The following DCC variants were observed in gnomAD, a reference collection of about 807,000 sequenced individuals.
DCC encodes the protein netrin receptor DCC.
In DCC, 58 loss-of-function variants were observed where a neutral mutation model predicts 172.5. That is an observed-to-expected ratio of 0.34 (90% CI 0.27 to 0.42). The LOEUF is 0.42. Among genes scored for constraint, DCC ranks in the 10% least tolerant of loss-of-function variants. The pLI is 1.00. For synonymous variants in DCC, 709 were observed against 644.5 expected (o/e 1.10, Z -1.52); for missense variants, 1,740 against 1,791.0 (o/e 0.97, Z 0.51).
intron 1 of DCC, among the ~76,000 whole-genome samples, chr18:52,661,474 G>C (rs1337234926): frequency 6.6e-6 from 1 of 152,178 alleles, no homozygotes; most frequent in African/African-American, 2.4e-5. Context: ...CAGGCAAACT[G>C]GTTGGTGAGA....
intron 1 of DCC, among the ~76,000 whole-genome samples, chr18:52,731,308 A>G (rs1351321922): frequency 1.3e-5 from 2 of 152,216 alleles, no homozygotes. Context: ...CAAAGTACAA[A>G]TTAATTTATT....
intron 5 of DCC, among the ~76,000 whole-genome samples, chr18:53,032,562 T>C (rs192136224): frequency 1.3e-4 from 20 of 152,332 alleles, no homozygotes; most frequent in African/African-American, 4.3e-4. Flanking sequence ...GTCCTATGCA[T>C]TGTATCTGTG....
intron 7 of DCC, among the ~76,000 whole-genome samples, chr18:53,098,504 C>T (rs569480233): frequency 6.6e-6 from 1 of 152,294 alleles, no homozygotes; most frequent in South Asian, 2.1e-4. Context: ...TGTCCATCAA[C>T]ATGAATTTAT....
intron 5 of DCC, among the ~76,000 whole-genome samples, chr18:53,020,203 A>C (rs2041860633): frequency 6.6e-6 from 1 of 152,116 alleles, no homozygotes; most frequent in African/African-American, 2.4e-5. Context: ...CTTTCAAATA[A>C]AAAAAACCCA....
intron 13 of DCC, among the ~76,000 whole-genome samples, chr18:53,317,751 A>G (rs1455841923): frequency 1.3e-5 from 2 of 151,812 alleles, no homozygotes; most frequent in East Asian, 3.9e-4. Flanking sequence ...TTTCTTCTAG[A>G]TTTTCTAGTT....
At chr18:52,629,819 G>A (rs1036387055) in intron 1 of DCC, among the ~76,000 whole-genome samples, 2 of 151,846 alleles carry the variant, frequency 1.3e-5, no homozygotes, top group South Asian at 2.1e-4. Flanking sequence ...GCGTGCTGGC[G>A]GGTACCTGTA....
intron 1 of DCC, among the ~76,000 whole-genome samples, chr18:52,380,442 G>A (rs1985536475): frequency 6.6e-6 from 1 of 151,964 alleles, no homozygotes; most frequent in Non-Finnish European, 1.5e-5. Flanking sequence ...AAGCACCTAC[G>A]CAATTAGCAG....
intron 1 of DCC, among the ~76,000 whole-genome samples, chr18:52,512,480 G>A (rs2031478498): frequency 6.6e-6 from 1 of 152,054 alleles, no homozygotes; most frequent in East Asian, 1.9e-4. Context: ...CTAATTTTTA[G>A]GCCATAAGAA....
chr18:53,199,757 C>T (rs1466911205), intron 9 of DCC, among the ~76,000 whole-genome samples: 1 of 152,088 alleles, frequency 6.6e-6, no homozygotes, highest in African/African-American at 2.4e-5. Context: ...GCAGTAAACA[C>T]ATATCTAACA....
chr18:53,350,201 C>G (rs1318636776), intron 15 of DCC, among the ~76,000 whole-genome samples: 1 of 152,118 alleles, frequency 6.6e-6, no homozygotes, highest in East Asian at 1.9e-4. Context: ...CCATGTAAAA[C>G]TATCATGTCT....
chr18:53,410,834 C>T (rs1004339545), intron 20 of DCC, among the ~76,000 whole-genome samples, 188 bp downstream of exon 20: 1 of 152,058 alleles, frequency 6.6e-6, no homozygotes, highest in South Asian at 2.1e-4. Context: ...CTGCCATCAG[C>T]ACATGGCAAA....
chr18:52,741,250 A>G (rs1449590729), intron 1 of DCC, among the ~76,000 whole-genome samples: 1 of 152,160 alleles, frequency 6.6e-6, no homozygotes, highest in Non-Finnish European at 1.5e-5. Context: ...ATCATTTCTC[A>G]TGACCTCTAC....
intron 1 of DCC, among the ~76,000 whole-genome samples, chr18:52,478,376 G>A (rs1989156665): frequency 6.6e-6 from 1 of 152,126 alleles, no homozygotes; most frequent in Non-Finnish European, 1.5e-5. Flanking sequence ...AAGGGTTTAT[G>A]AGTAATTGTG....
chr18:52,807,968 C>T (rs1282275867), intron 2 of DCC, among the ~76,000 whole-genome samples: 2 of 152,110 alleles, frequency 1.3e-5, no homozygotes, highest in Middle Eastern at 3.2e-3. Context: ...TGTGTTAATT[C>T]GGACTGATAC....
intron 1 of DCC, among the ~76,000 whole-genome samples, chr18:52,597,958 G>A (rs1568248033): frequency 1.3e-5 from 2 of 152,070 alleles, no homozygotes; most frequent in Non-Finnish European, 2.9e-5. Flanking sequence ...TCTCTATTTT[G>A]TTTTGATTTA....
chr18:52,826,434 T>A (rs1167553808), intron 2 of DCC, among the ~76,000 whole-genome samples: 2 of 151,930 alleles, frequency 1.3e-5, no homozygotes, highest in African/African-American at 4.8e-5. Context: ...CATTTTGGAG[T>A]CTTGTTTTTG....
At chr18:52,668,066 A>AT (rs398079469) in intron 1 of DCC, among the ~76,000 whole-genome samples, 4 of 152,016 alleles carry the variant, frequency 2.6e-5, no homozygotes, top group African/African-American at 9.7e-5. Context: ...AACAAAAAAA[A>AT]ACAGTGAGTC....
Position 53,179,006 on chromosome 18 carries a change from C to G in DCC, c.1463C>G (p.Thr488Ser). 2.5e-6 allele frequency: 4 copies of G among 1,614,110 alleles called. No homozygotes were observed. In the South Asian group the frequency reaches 3.3e-5, roughly 13 times the overall value. ...NTTQPGSLQL[T>S]VGNLKPEAMY... The stretch of plus-strand genomic sequence containing the variant: ...ACACAGCCTGGGTCCCTTCAGCTCA[C>G]TGTGGGAAACCTGAAGCCAGAAGCC... Residue 488 changes from threonine to serine, a missense_variant, in exon 9 of 29, where the codon ACT becomes AGT. Transcript: ENST00000442544.
At chr18:53,098,343 C>T (rs1051061371) in intron 7 of DCC, among the ~76,000 whole-genome samples, 4 of 152,044 alleles carry the variant, frequency 2.6e-5, no homozygotes, top group African/African-American at 9.7e-5. Flanking sequence ...CCAATAATAT[C>T]CTTGAAAGTA....
Sources: gnomAD v4.1 joint callset for allele counts (sites outside exome capture counted in the v4.1 genomes callset) on GRCh38, gnomAD v4.1.1 for gene constraint, MANE v1.5 for transcripts, NCBI Gene and HGNC (gene_info 2026-07-23, HGNC 2026-07-21) for gene names.